SPTB: variants seen among roughly 807,000 people sequenced by gnomAD.
The protein encoded by SPTB is spectrin beta, erythrocytic, also known as spectrin beta chain, erythrocytic.
In SPTB, 45 loss-of-function variants were observed where a neutral mutation model predicts 256.2. The observed-to-expected ratio is 0.18, with a 90% CI of 0.14 to 0.23. The LOEUF is 0.23. SPTB is among the 10% of genes least tolerant of loss of function. SPTB has a pLI of 1.00. For missense variants in SPTB, 2,715 were observed against 3,040.4 expected, an observed-to-expected ratio of 0.89 and a Z score of 2.52; for synonymous variants, 1,231 against 1,243.1, an observed-to-expected ratio of 0.99 and a Z score of 0.21.
intron 1 of SPTB, among the ~76,000 whole-genome samples, chr14:64,874,024 C>G (rs74056084): frequency 0.031 from 4,697 of 152,228 alleles, 241 homozygotes; most frequent in African/African-American, 0.11. Flanking sequence ...CACTGGTGAG[C>G]TTTGTCAACA....
At position 64,879,284 on chromosome 14, in the gene SPTB, C is replaced by T. The variant is rs188113528; in HGVS notation, c.-52+508G>A. On this transcript the variant is annotated intron_variant, in intron 1 of 35. Coordinates refer to ENST00000644917, the MANE Select transcript of SPTB (RefSeq NM_001355436.2). ...GCCCCCTCTGCTGCCCTCACCTGTCCCTCCTGCCTGGGCGCTGGGTGGCCC... is the reference window on the plus strand; with the variant it reads ...GCCCCCTCTGCTGCCCTCACCTGTCTCTCCTGCCTGGGCGCTGGGTGGCCC... Among the ~76,000 whole-genome samples, 1,071 of 152,328 alleles carry T rather than the reference C, an allele frequency of 7.0e-3. 10 individuals are homozygous for T. The highest frequency in any genetic ancestry group is 0.014 in the Admixed American group (214 of 15,308).
At position 64,779,330 on chromosome 14, in the gene SPTB, T is replaced by G. The variant is rs1865808679; in HGVS notation, c.4474-84A>C. Reference sequence around the variant, plus strand: ...TGCTCACCATGGGCGGCGCAGAGCTTTGCTGGCAGTGTCTCCCCAGTTCCT... The same window carrying G: ...TGCTCACCATGGGCGGCGCAGAGCTGTGCTGGCAGTGTCTCCCCAGTTCCT... On this transcript the variant is annotated intron_variant, in intron 21 of 35. Transcript: ENST00000644917. This position sits in a 1 kb window ranked among gnomAD's most constrained non-coding sequence, Gnocchi z 4.2. 2 of 1,118,228 alleles carry G rather than the reference T, an allele frequency of 1.8e-6. No individual in the cohort carries two copies. The highest frequency in any genetic ancestry group is 3.2e-5 in the African/African-American group (2 of 62,378). 69.3% of individuals were successfully genotyped at this position (1,118,228 alleles called of 1,614,324 possible). A position where few individuals can be genotyped will look rare whatever the true frequency, so the allele number is the denominator to read the frequency against.
At chr14:64,801,223 T>G in intron 7 of SPTB, 62 bp downstream of exon 7, 1 of 1,436,886 alleles carries the variant, frequency 7.0e-7, no homozygotes, top group Non-Finnish European at 9.7e-7. Context: ...TGAGCTCCTC[T>G]AGCACAGCGA....
chr14:64,817,002 A>G (rs904193483), intron 2 of SPTB, among the ~76,000 whole-genome samples: 3 of 152,244 alleles, frequency 2.0e-5, no homozygotes, highest in Non-Finnish European at 4.4e-5. Context: ...ACAGAGTCTT[A>G]TTATTAACCT....
In SPTB at chr14:64,799,926, G is replaced by C. The variant is rs771520744; in HGVS notation, c.885C>G (p.Asp295Glu). 1 of 1,614,212 alleles carries C rather than the reference G, an allele frequency of 6.2e-7. No individual in the cohort carries two copies. Among genetic ancestry groups the C allele is most frequent in the South Asian group, 1.1e-5 (1 of 91,090 alleles). Reference protein sequence around the residue: ...VEGKRVGKVIDHAIETEKMIE... With the variant: ...VEGKRVGKVIEHAIETEKMIE... ...TCATCTTCTCAGTCTCAATGGCATG[G>C]TCAATAACCTAAGGAATCATCTTCT... The change falls in exon 9 of 36, where the codon GAC becomes GAG. Residue 295 changes from aspartate (D) to glutamate (E), a missense_variant. Transcript: ENST00000644917.
rs1457427556 is a variant in SPTB, at chr14:64,749,284, C to T, written c.*22G>A. 7 of 1,560,952 alleles carry T rather than the reference C, an allele frequency of 4.5e-6. No homozygotes were observed. The South Asian group carries it at 4.6e-5, about 10-fold the overall frequency. On this transcript the variant is annotated 3_prime_UTR_variant, in exon 36 of 36. Transcript: ENST00000644917. The surrounding 1 kb of genome is among the most constrained non-coding windows in gnomAD (Gnocchi z 4.7). ...CCGGTCTCTGCGCGTCCCGACTCCGCCGCGCCCGCCAGCCCCACCTGCTAC... is the reference window on the plus strand; with the variant it reads ...CCGGTCTCTGCGCGTCCCGACTCCGTCGCGCCCGCCAGCCCCACCTGCTAC...
chr14:64,763,215 C>A (rs1308635878), intron 32 of SPTB, among the ~76,000 whole-genome samples: 1 of 152,248 alleles, frequency 6.6e-6, no homozygotes, highest in African/African-American at 2.4e-5. Context: ...CTCAGCAGGA[C>A]CCCCAAGTGC....
chr14:64,803,330 A>T (rs1047287745), intron 4 of SPTB, among the ~76,000 whole-genome samples: 1 of 152,164 alleles, frequency 6.6e-6, no homozygotes, highest in African/African-American at 2.4e-5. Flanking sequence ...CTAAAAAGCT[A>T]ATCTTCCAGC....
chr14:64,797,877 T>C (rs1367506040), intron 9 of SPTB, 31 bp from the exon 10 acceptor site: 2 of 1,583,390 alleles, frequency 1.3e-6, no homozygotes, highest in Non-Finnish European at 1.7e-6. Context: ...GGAAGACTGA[T>C]GTTAAGATCT....
Position 64,792,909 on chromosome 14 carries a change from C to T in SPTB, c.2666+88G>A. The T allele has an allele frequency of 1.9e-6, 3 of 1,584,854 alleles. No homozygotes were observed. The highest frequency in any genetic ancestry group is 1.7e-6 in the Non-Finnish European group (2 of 1,158,336). ...CCAGGGCCTCTCAAAGAGACCTTTG[C>T]TGATCCAGAGACTATTACCAAACTA... On this transcript the variant is annotated intron_variant, in intron 14 of 35. Transcript: ENST00000644917. The surrounding 1 kb of genome is among the most constrained non-coding windows in gnomAD (Gnocchi z 4.2).
chr14:64,858,272 A>G (rs751294115), intron 1 of SPTB, among the ~76,000 whole-genome samples: 9 of 152,242 alleles, frequency 5.9e-5, no homozygotes, highest in Non-Finnish European at 1.2e-4. Context: ...ACATGGAGTA[A>G]AGAGGCTGCT....
chr14:64,808,453 G>C (rs1023098504), intron 2 of SPTB, among the ~76,000 whole-genome samples: 5 of 152,112 alleles, frequency 3.3e-5, no homozygotes, highest in Non-Finnish European at 7.4e-5. Context: ...TTGGGACTGG[G>C]TGACCTGAAA....
chr14:64,776,321 G>A (rs751144898), intron 22 of SPTB, among the ~76,000 whole-genome samples: 1 of 152,274 alleles, frequency 6.6e-6, no homozygotes, highest in East Asian at 1.9e-4. Flanking sequence ...TACACTTTAT[G>A]CTCAGAACCT....
rs558161300 is a variant in SPTB at position 64,752,131 on chromosome 14, A to G, written c.6602+1406T>C. ...CAAAACAAAACACAAAAAAAGACAA[A>G]TAGGGCTCATGTCAACTGGCATGTT... On this transcript the variant is annotated intron_variant, in intron 33 of 35. Coordinates refer to ENST00000644917, the MANE Select transcript of SPTB (RefSeq NM_001355436.2). The G allele has an allele frequency of 9.2e-5, 115 of 1,250,264 alleles. 1 individual carries two copies. In the South Asian group the frequency reaches 1.4e-3, roughly 15 times the overall value. 77.4% of individuals were successfully genotyped at this position (1,250,264 alleles called of 1,614,324 possible).
intron 33 of SPTB, among the ~76,000 whole-genome samples, chr14:64,752,874 AG>A (rs1566732536): frequency 6.6e-6 from 1 of 152,110 alleles, no homozygotes; most frequent in African/African-American, 2.4e-5. Flanking sequence ...GCTGCTAGAA[AG>A]AGGAGGCCCC....
At chr14:64,784,424 C>A in intron 18 of SPTB, 31 bp from the exon 19 acceptor site, 2 of 1,613,318 alleles carry the variant, frequency 1.2e-6, no homozygotes, top group African/African-American at 1.3e-5. Flanking sequence ...CTGACTATCC[C>A]TGAGTATATT....
intron 20 of SPTB, 143 bp downstream of exon 20, chr14:64,782,147 C>T: frequency 8.3e-7 from 1 of 1,210,500 alleles, no homozygotes; most frequent in Non-Finnish European, 1.2e-6. Flanking sequence ...ATAATATGTG[C>T]AATAAACCCC....
rs373473270 is a variant in SPTB, at chr14:64,771,033, C to T, written c.5650G>A (p.Ala1884Thr). The T allele has an allele frequency of 1.0e-4, 164 of 1,614,062 alleles. No individual in the cohort carries two copies. The highest frequency in any genetic ancestry group is 1.2e-4 in the Non-Finnish European group (140 of 1,180,064). Reference sequence around the variant, plus strand: ...CAGGCATCGAGCAGCGCCTGCCACGCGGCAGACACCTCCTGCTCCTTGTTC... The same window carrying T: ...CAGGCATCGAGCAGCGCCTGCCACGTGGCAGACACCTCCTGCTCCTTGTTC... ...IQNKEQEVSA[A>T]WQALLDACAG... Residue 1884 changes from alanine (A) to threonine (T), a missense_variant, in exon 27 of 36, where the codon GCG becomes ACG. Ala to Thr is a moderately conservative substitution (Grantham distance 58, BLOSUM62 0). Around this residue, in one of 4 missense-constraint regions of SPTB, gnomAD observed 2,239 missense variants for 2,384.4 expected, o/e 0.94. Coordinates refer to ENST00000644917, the MANE Select transcript of SPTB (RefSeq NM_001355436.2).
chr14:64,762,640 C>T (rs529071246), intron 32 of SPTB, among the ~76,000 whole-genome samples: 2 of 151,940 alleles, frequency 1.3e-5, no homozygotes, highest in Non-Finnish European at 2.9e-5. Context: ...TCAGCCCTAG[C>T]GAGATACTCA....
Sources: allele counts gnomAD v4.1 joint callset (sites outside exome capture counted in the v4.1 genomes callset), GRCh38; gene constraint gnomAD v4.1.1; regional missense constraint gnomAD v4.1.1; non-coding constraint Gnocchi (gnomAD v3.1); transcripts MANE v1.5; gene names NCBI Gene and HGNC (gene_info 2026-07-23, HGNC 2026-07-21).